EPHB2: variants seen among roughly 807,000 people sequenced by gnomAD.
EPHB2 encodes EPH receptor B2.
In EPHB2, 18 loss-of-function variants were observed where a neutral mutation model predicts 96.4. That is an observed-to-expected ratio of 0.19 (90% CI 0.13 to 0.28). The LOEUF is 0.28. Among genes scored for constraint, EPHB2 ranks in the 10% least tolerant of loss-of-function variants. The probability of loss-of-function intolerance (pLI) is 1.00; values close to 1 mark genes in which losing one functional copy is unlikely to be tolerated. For missense variants in EPHB2, 989 were observed against 1,355.4 expected, an observed-to-expected ratio of 0.73 and a Z score of 4.25; for synonymous variants, 506 against 534.1, an observed-to-expected ratio of 0.95 and a Z score of 0.72.
Position 22,915,951 on chromosome 1 carries a change from A to C in EPHB2, c.*2381A>C, listed in dbSNP as rs1043008237. On this transcript the variant is annotated 3_prime_UTR_variant, in exon 16 of 16. Coordinates refer to ENST00000374630, the MANE Select transcript of EPHB2 (RefSeq NM_017449.5). Reference sequence around the variant, plus strand: ...GGTCAGAGTGAACATCCAGCACAGCACAGCCCATCGTCTGTCACTCACCTG... The same window carrying C: ...GGTCAGAGTGAACATCCAGCACAGCCCAGCCCATCGTCTGTCACTCACCTG... 6.6e-6 allele frequency: 1 copy of C among 152,470 alleles called. No individual in the cohort carries two copies. Among genetic ancestry groups the C allele is most frequent in the Non-Finnish European group, 1.5e-5 (1 of 68,242 alleles). The allele number at this position is 152,470 out of a possible 1,614,324, so 9.4% of individuals were successfully genotyped here.
Position 22,791,222 on chromosome 1 carries a change from T to C in EPHB2, c.811+6146T>C, listed in dbSNP as rs116442764. Among the ~76,000 whole-genome samples the C allele has an allele frequency of 8.0e-3, 1,210 of 152,004 alleles. 10 individuals carry two copies. The highest frequency in any genetic ancestry group is 0.028 in the African/African-American group (1,158 of 41,424). ...TGAGCTTTTTATTTTGAGGAAAAAA[T>C]AACTTTTCCTTATCACAAAAGCAAT... On this transcript the variant is annotated intron_variant, in intron 3 of 15. Coordinates refer to ENST00000374630, the MANE Select transcript of EPHB2 (RefSeq NM_017449.5).
intron 3 of EPHB2, among the ~76,000 whole-genome samples, chr1:22,817,169 G>T (rs1204633222): frequency 6.6e-6 from 1 of 152,228 alleles, no homozygotes. Context: ...CACAGGGTCA[G>T]ACCAGGCCAG....
In EPHB2 at chr1:22,803,111, CT is replaced by C. The variant is rs538411159; in HGVS notation, c.811+18036del. On this transcript the variant is annotated intron_variant, in intron 3 of 15. Coordinates refer to ENST00000374630, the MANE Select transcript of EPHB2 (RefSeq NM_017449.5). ...AAGCAAGAAATAGCCTGAGGAGGCT[CT>C]GGCTATCCTAACCTGAGAGGCAGGG... 2.5e-4 allele frequency among the ~76,000 whole-genome samples: 38 copies of C among 152,298 alleles called. No individual in the cohort carries two copies. In the East Asian group the frequency reaches 6.0e-3, roughly 24 times the overall value.
chr1:22,780,670 G>A (rs1311153421), intron 1 of EPHB2, among the ~76,000 whole-genome samples: 1 of 152,200 alleles, frequency 6.6e-6, no homozygotes, highest in Non-Finnish European at 1.5e-5. Flanking sequence ...AGATCCCAGA[G>A]TTTGATGTAA....
intron 1 of EPHB2, among the ~76,000 whole-genome samples, chr1:22,758,423 C>T (rs898077589): frequency 1.2e-4 from 18 of 151,988 alleles, no homozygotes; most frequent in African/African-American, 4.1e-4. Context: ...TATGGCAGCC[C>T]GTCGTAAGGG....
At chr1:22,850,001 A>T (rs1243192744) in intron 3 of EPHB2, among the ~76,000 whole-genome samples, 1 of 152,164 alleles carries the variant, frequency 6.6e-6, no homozygotes, top group African/African-American at 2.4e-5. Flanking sequence ...AAAATTCCAG[A>T]CATGTTCTCT....
rs142657943 is a variant in EPHB2 at position 22,743,975 on chromosome 1, A to G, written c.61+32932A>G. Among the ~76,000 whole-genome samples, 131 of 152,326 alleles carry G rather than the reference A, an allele frequency of 8.6e-4. 1 individual carries two copies. The East Asian group carries it at 0.011, about 13-fold the overall frequency. On this transcript the variant is annotated intron_variant, in intron 1 of 15. Transcript: ENST00000374630. ...TATCTGAACCCCCAAATTACAACGT[A>G]GGAGTTCTAACAAAGAGTTTATAAT...
rs566656685 is a variant in EPHB2, at chr1:22,782,620, C to T, written c.126+1135C>T. ...CAGGCTGGGCTGCAGGGCCCCCGGA[C>T]GCAATTATTTGGGGTGTTTAGGCTG... On this transcript the variant is annotated intron_variant, in intron 2 of 15. Transcript: ENST00000374630. Among the ~76,000 whole-genome samples the T allele has an allele frequency of 3.9e-5, 6 of 152,132 alleles. No homozygotes were observed. The East Asian group carries it at 5.8e-4, about 15-fold the overall frequency.
At chr1:22,793,216 A>AT (rs761502659) in intron 3 of EPHB2, among the ~76,000 whole-genome samples, 5 of 152,192 alleles carry the variant, frequency 3.3e-5, no homozygotes, top group Non-Finnish European at 7.3e-5. Context: ...AGAACAGCTC[A>AT]TTCATTTTTC....
intron 1 of EPHB2, among the ~76,000 whole-genome samples, chr1:22,754,554 A>C (rs10917290): frequency 0.93 from 140,219 of 151,378 alleles, 65,897 homozygotes; most frequent in East Asian, 1. Flanking sequence ...GGGAGGGAGG[A>C]AAAGGTGGCG....
Position 22,917,937 on chromosome 1 carries a change from G to C in EPHB2, c.*4367G>C, listed in dbSNP as rs1278518201. The stretch of plus-strand genomic sequence containing the variant: ...CACTCCAAGACGCAGCTGCCAGAAT[G>C]GTCCAACACAGTGAGGAGTTGTGTC... On this transcript the variant is annotated 3_prime_UTR_variant, in exon 16 of 16. Transcript: ENST00000374630. 1 of 152,244 alleles carries C rather than the reference G, an allele frequency of 6.6e-6. No individual in the cohort carries two copies. The highest frequency in any genetic ancestry group is 2.4e-5 in the African/African-American group (1 of 41,432). 9.4% of individuals were successfully genotyped at this position (152,244 alleles called of 1,614,324 possible).
chr1:22,819,906 A>C (rs6659914), intron 3 of EPHB2, among the ~76,000 whole-genome samples: 30,813 of 151,346 alleles, frequency 0.2, 3,612 homozygotes, highest in Non-Finnish European at 0.26. Context: ...GAGTGATGGC[A>C]TGACTTTCTT....
rs1019573316 is a variant in EPHB2, at chr1:22,784,031, C to T, written c.127-361C>T. ...TCTCCTCCATCAGACTGGTAGCCCC[C>T]ACAACCACAAAGCTATGTCTACTTT... On this transcript the variant is annotated intron_variant, in intron 2 of 15. Coordinates refer to ENST00000374630, the MANE Select transcript of EPHB2 (RefSeq NM_017449.5). This position sits in a 1 kb window ranked among gnomAD's most constrained non-coding sequence, Gnocchi z 5.1. Among the ~76,000 whole-genome samples, 1 of 152,136 alleles carries T rather than the reference C, an allele frequency of 6.6e-6. No individual in the cohort carries two copies. The highest frequency in any genetic ancestry group is 1.5e-5 in the Non-Finnish European group (1 of 68,018).
intron 4 of EPHB2, among the ~76,000 whole-genome samples, chr1:22,863,711 CA>C (rs1279511263): frequency 1.3e-5 from 2 of 152,232 alleles, no homozygotes; most frequent in Non-Finnish European, 2.9e-5. Flanking sequence ...CCAAGGTAGA[CA>C]GTCCTGGGAC....
intron 7 of EPHB2, among the ~76,000 whole-genome samples, chr1:22,894,748 G>T (rs1052922393): frequency 6.6e-6 from 1 of 152,086 alleles, no homozygotes; most frequent in Admixed American, 6.5e-5. Flanking sequence ...AGCAGACCTG[G>T]GTTCAAATGC....
intron 6 of EPHB2, among the ~76,000 whole-genome samples, chr1:22,886,178 G>A (rs1639218329): frequency 6.6e-6 from 1 of 152,218 alleles, no homozygotes; most frequent in South Asian, 2.1e-4. Context: ...CTTAAGCTGA[G>A]TCTTGAAAGA....
At chr1:22,910,075 G>C (rs1041006531) in intron 13 of EPHB2, among the ~76,000 whole-genome samples, 1 of 152,150 alleles carries the variant, frequency 6.6e-6, no homozygotes, top group South Asian at 2.1e-4. Context: ...AGGATGGGAG[G>C]AGCTGGTGGA....
In EPHB2 at chr1:22,797,651, C is replaced by A. The variant is rs894222900; in HGVS notation, c.811+12575C>A. ...CCTGGCCGCCTCCACCCTGCTCCCA[C>A]CCTGCCTCCTCCAGTCTGGGGTCCC... On this transcript the variant is annotated intron_variant, in intron 3 of 15. Coordinates refer to ENST00000374630, the MANE Select transcript of EPHB2 (RefSeq NM_017449.5). Among the ~76,000 whole-genome samples, 11 of 152,194 alleles carry A rather than the reference C, an allele frequency of 7.2e-5. 1 individual carries two copies. In the South Asian group the frequency reaches 1.2e-3, roughly 17 times the overall value.
At chr1:22,781,542 G>C (rs1441212470) in intron 2 of EPHB2, 57 bp downstream of exon 2, 1 of 1,572,000 alleles carries the variant, frequency 6.4e-7, no homozygotes, top group Non-Finnish European at 8.7e-7. Flanking sequence ...AAGCCCTGCT[G>C]CAGGGCCCGA....
Sources: allele counts gnomAD v4.1 joint callset (sites outside exome capture counted in the v4.1 genomes callset), GRCh38; gene constraint gnomAD v4.1.1; non-coding constraint Gnocchi (gnomAD v3.1); transcripts MANE v1.5; gene names NCBI Gene and HGNC (gene_info 2026-07-23, HGNC 2026-07-21).